Variants in ABHD16A observed in about 807,000 individuals in gnomAD.
ABHD16A encodes abhydrolase domain containing 16A, phospholipase.
ABHD16A carries 47 observed loss-of-function variants against 89.8 expected under a neutral mutation model. That is an observed-to-expected ratio of 0.52 (90% CI 0.41 to 0.67). ABHD16A has a LOEUF of 0.67. Among genes scored for constraint, ABHD16A ranks in the 30% least tolerant of loss-of-function variants. ABHD16A has a pLI of 0.00. For synonymous variants in ABHD16A, 251 were observed against 280.4 expected (o/e 0.90, Z 1.05); for missense variants, 580 against 734.6 (o/e 0.79, Z 2.43).
intron 1 of ABHD16A, chr6:31,702,769 G>A: frequency 2.0e-6 from 3 of 1,492,766 alleles, no homozygotes; most frequent in Non-Finnish European, 8.9e-7. Flanking sequence ...GGGGAGGCAT[G>A]AAGAGGCACT....
In ABHD16A at chr6:31,691,819, G is replaced by T. The variant is rs1176146044; in HGVS notation, c.726C>A (p.Ala242=). The change falls in exon 8 of 20, where the codon GCC becomes GCA. Residue 242 remains alanine (A), a synonymous_variant. Transcript: ENST00000395952. The part of the protein sequence containing the change: ...ALMPVLLQGQ[A]RLVEECNGRR... Reference sequence around the variant, plus strand: ...GAAGCCTCACCTCTTCCACCAGTCGGGCCTGGCCCTGCAGCAGCACAGGCA... The same window carrying T: ...GAAGCCTCACCTCTTCCACCAGTCGTGCCTGGCCCTGCAGCAGCACAGGCA... 1.2e-6 allele frequency: 2 copies of T among 1,610,282 alleles called. No homozygotes were observed. The highest frequency in any genetic ancestry group is 1.7e-6 in the Non-Finnish European group (2 of 1,178,842).
At chr6:31,699,093 C>CA (rs1804653962) in intron 4 of ABHD16A, among the ~76,000 whole-genome samples, 2 of 152,180 alleles carry the variant, frequency 1.3e-5, no homozygotes, top group South Asian at 4.1e-4. Flanking sequence ...CCCAGGTAAT[C>CA]ACTCTCCTAA....
At chr6:31,691,227 G>A (rs1803847544) in intron 9 of ABHD16A, among the ~76,000 whole-genome samples, 1 of 152,078 alleles carries the variant, frequency 6.6e-6, no homozygotes, top group East Asian at 1.9e-4. Flanking sequence ...CTGTGCCCCA[G>A]TTTCATCTCC....
Position 31,687,989 on chromosome 6 carries a change from C to T in ABHD16A, c.1370+52G>A. 1 of 1,612,190 alleles carries T rather than the reference C, an allele frequency of 6.2e-7. No homozygotes were observed. The highest frequency in any genetic ancestry group is 1.3e-5 in the African/African-American group (1 of 75,024). On this transcript the variant is annotated intron_variant, in intron 16 of 19. Transcript: ENST00000395952. The surrounding 1 kb of genome is among the most constrained non-coding windows in gnomAD (Gnocchi z 6.3). The stretch of plus-strand genomic sequence containing the variant: ...CCTCCCTCCTTCCCTGTGCTGGTAT[C>T]AGTATCTGTGTGTGTACACTGCCCC...
rs1447610695 is a variant in ABHD16A at position 31,687,922 on chromosome 6, A to G, written c.1371-22T>C. On this transcript the variant is annotated intron_variant, in intron 16 of 19. Coordinates refer to ENST00000395952, the MANE Select transcript of ABHD16A (RefSeq NM_021160.3). This position sits in a 1 kb window ranked among gnomAD's most constrained non-coding sequence, Gnocchi z 6.3. ...ATACCTACGGAGGAAGTGCCAGGAC[A>G]GGTCAGGGCTGATTTTTTTTCATTC... 3.1e-6 allele frequency: 5 copies of G among 1,612,708 alleles called. No individual in the cohort carries two copies. The highest frequency in any genetic ancestry group is 1.3e-5 in the African/African-American group (1 of 75,006).
rs1804465006 is a variant in ABHD16A, at chr6:31,697,010, G to T, written c.367C>A (p.Gln123Lys). 1 of 1,613,074 alleles carries T rather than the reference G, an allele frequency of 6.2e-7. No homozygotes were observed. Among genetic ancestry groups the T allele is most frequent in the African/African-American group, 1.3e-5 (1 of 75,056 alleles). The change falls in exon 5 of 20, where the codon CAG (glutamine) becomes AAG (lysine). Residue 123 changes from glutamine (Q) to lysine (K), a missense_variant. Gln to Lys is a moderately conservative substitution (Grantham distance 53). This residue lies in a region of ABHD16A where 165 missense variants were observed against 165.8 expected (regional missense o/e 1.00). Transcript: ENST00000395952. ...LRGIGRWTNP[Q>K]YRQFITILEA... ...AAGATGGTGATGAACTGCCGGTACT[G>T]GGGGTTGGTCCAGCGGCCAATGCCT...
At position 31,687,518 on chromosome 6, in the gene ABHD16A, G is replaced by A. The variant is rs146200640; in HGVS notation, c.1573C>T (p.Arg525Trp). Residue 525 changes from arginine to tryptophan, a missense_variant, in exon 19 of 20, where the codon CGG becomes TGG. Transcript: ENST00000395952. This position sits in a 1 kb window ranked among gnomAD's most constrained non-coding sequence, Gnocchi z 6.3. ...VGEDMSADGR[R>W]QLALFLARKH... ...CTCACCAGAAACAAAGCCAGCTGCC[G>A]CCGTCCATCTGCACTCATGTCCTCC... The A allele has an allele frequency of 5.6e-5, 91 of 1,612,866 alleles. No homozygotes were observed. The highest frequency in any genetic ancestry group is 7.5e-5 in the Non-Finnish European group (88 of 1,179,986).
chr6:31,703,145 CT>C lies in ABHD16A; in HGVS notation c.132+4del. Reference sequence around the variant, plus strand: ...CGTTCTTCGGTGGGGAGGAACTCGACTCACCCAGGAGCTGGAATGGGGGGCA... The same window carrying C: ...CGTTCTTCGGTGGGGAGGAACTCGACCACCCAGGAGCTGGAATGGGGGGCA... On this transcript the variant is annotated splice_donor_region_variant and intron_variant, in intron 1 of 19. Transcript: ENST00000395952. 7.0e-7 allele frequency: 1 copy of C among 1,420,754 alleles called. No homozygotes were observed. The highest frequency in any genetic ancestry group is 9.3e-7 in the Non-Finnish European group (1 of 1,079,616). The allele number at this position is 1,420,754 out of a possible 1,614,324, so 88.0% of individuals were successfully genotyped here.
chr6:31,688,212 C>A lies in ABHD16A; in HGVS notation c.1307+37G>T. 1 of 1,612,134 alleles carries A rather than the reference C, an allele frequency of 6.2e-7. No homozygotes were observed. Among genetic ancestry groups the A allele is most frequent in the Non-Finnish European group, 8.5e-7 (1 of 1,178,412 alleles). ...AGAAGGGACAAGTTCCTGGCCATCTCTGGGGTTCCTGAGGGCCGAGATTCC... is the reference window on the plus strand; with the variant it reads ...AGAAGGGACAAGTTCCTGGCCATCTATGGGGTTCCTGAGGGCCGAGATTCC... On this transcript the variant is annotated intron_variant, in intron 15 of 19. Transcript: ENST00000395952. This position sits in a 1 kb window ranked among gnomAD's most constrained non-coding sequence, Gnocchi z 4.9.
chr6:31,688,099 G>A lies in ABHD16A; in HGVS notation c.1312C>T (p.Pro438Ser), dbSNP rs755577727. Reference sequence around the variant, plus strand: ...CCTCGGTTGGACATGATGTCCTCAGGAACCCTGGGGGTGAGAAGAATGTAC... The same window carrying A: ...CCTCGGTTGGACATGATGTCCTCAGAAACCCTGGGGGTGAGAAGAATGTAC... ...TKDEIITTTVPEDIMSNRGND... is the reference protein window; with the variant it reads ...TKDEIITTTVSEDIMSNRGND... The change falls in exon 16 of 20, where the codon CCT becomes TCT. Residue 438 changes from proline to serine, a missense_variant. Coordinates refer to ENST00000395952, the MANE Select transcript of ABHD16A (RefSeq NM_021160.3). The surrounding 1 kb of genome is among the most constrained non-coding windows in gnomAD (Gnocchi z 4.9). The A allele has an allele frequency of 2.5e-6, 4 of 1,612,352 alleles. No homozygotes were observed. Among genetic ancestry groups the A allele is most frequent in the Non-Finnish European group, 3.4e-6 (4 of 1,178,910 alleles).
chr6:31,693,369 G>A lies in ABHD16A; in HGVS notation c.493C>T (p.Pro165Ser), dbSNP rs1446899091. Reference sequence around the variant, plus strand: ...GAACTGGGGCCTCACCGGCTGCTGGGTTCTTCCCAGTGGAAGTCGACTGGC... The same window carrying A: ...GAACTGGGGCCTCACCGGCTGCTGGATTCTTCCCAGTGGAAGTCGACTGGC... ...SWPVDFHWEE[P>S]SSRKESRGGP... Residue 165 changes from proline to serine, a missense_variant, in exon 6 of 20, where the codon CCC becomes TCC. Pro to Ser is a moderately conservative substitution (Grantham distance 74, BLOSUM62 -1). Around this residue, in one of 2 missense-constraint regions of ABHD16A, gnomAD observed 415 missense variants for 568.8 expected, o/e 0.73. Transcript: ENST00000395952. This position sits in a 1 kb window ranked among gnomAD's most constrained non-coding sequence, Gnocchi z 5.0. 1.2e-6 allele frequency: 2 copies of A among 1,612,942 alleles called. No individual in the cohort carries two copies.
rs1191319466 is a variant in ABHD16A at position 31,698,408 on chromosome 6, A to AT, written c.344-1376_344-1375insA. ...AAGCAAATATCACAAAACTATATATAAAAAAAAAATCACAAAACTATACAT... is the reference window on the plus strand; with the variant it reads ...AAGCAAATATCACAAAACTATATATATAAAAAAAAATCACAAAACTATACAT... On this transcript the variant is annotated intron_variant, in intron 4 of 19. Coordinates refer to ENST00000395952, the MANE Select transcript of ABHD16A (RefSeq NM_021160.3). This position sits in a 1 kb window ranked among gnomAD's most constrained non-coding sequence, Gnocchi z 4.1. Among the ~76,000 whole-genome samples the AT allele has an allele frequency of 7.4e-6, 1 of 134,990 alleles. No individual in the cohort carries two copies. The highest frequency in any genetic ancestry group is 3.2e-5 in the African/African-American group (1 of 31,516). The allele number at this position is 134,990 out of a possible 152,430, so 88.6% of individuals were successfully genotyped here.
chr6:31,702,548 T>G, intron 1 of ABHD16A: 1 of 1,364,178 alleles, frequency 7.3e-7, no homozygotes, highest in Non-Finnish European at 9.6e-7. Flanking sequence ...GCGGGCAGTT[T>G]GTAGGAGACA....
chr6:31,688,585 G>T lies in ABHD16A; in HGVS notation c.1250+138C>A, dbSNP rs1803532736. 7 of 1,049,468 alleles carry T rather than the reference G, an allele frequency of 6.7e-6. No individual in the cohort carries two copies. The highest frequency in any genetic ancestry group is 9.8e-6 in the Non-Finnish European group (7 of 716,280). The allele number at this position is 1,049,468 out of a possible 1,614,324, so 65.0% of individuals were successfully genotyped here. ...ACCTGGGAGGGGTTAGGCCAGTTGA[G>T]GTGGTGGCAGGGTCACTCAGGATGT... On this transcript the variant is annotated intron_variant, in intron 14 of 19. Transcript: ENST00000395952. The surrounding 1 kb of genome is among the most constrained non-coding windows in gnomAD (Gnocchi z 4.9).
At position 31,687,407 on chromosome 6, in the gene ABHD16A, G is replaced by T; in HGVS notation, c.1593+91C>A. 1 of 1,605,762 alleles carries T rather than the reference G, an allele frequency of 6.2e-7. No homozygotes were observed. Among genetic ancestry groups the T allele is most frequent in the South Asian group, 1.1e-5 (1 of 90,932 alleles). On this transcript the variant is annotated intron_variant, in intron 19 of 19. Transcript: ENST00000395952. The surrounding 1 kb of genome is among the most constrained non-coding windows in gnomAD (Gnocchi z 6.3). Reference sequence around the variant, plus strand: ...ATCCACCACCCACTCTACAAAAGCTGCCACTTCCAATGCTTATAGGGTATC... The same window carrying T: ...ATCCACCACCCACTCTACAAAAGCTTCCACTTCCAATGCTTATAGGGTATC...
At chr6:31,691,124 C>CTCAT (rs1562099416) in intron 9 of ABHD16A, among the ~76,000 whole-genome samples, 1 of 152,088 alleles carries the variant, frequency 6.6e-6, no homozygotes, top group African/African-American at 2.4e-5. Flanking sequence ...GCTCTTTCCA[C>CTCAT]GGCTGCTTCA....
intron 4 of ABHD16A, 145 bp downstream of exon 4, chr6:31,700,797 C>T: frequency 7.6e-6 from 5 of 661,600 alleles, no homozygotes; most frequent in Non-Finnish European, 1.3e-5. Flanking sequence ...TAACCCAAGT[C>T]TTTTAAGGAA....
In ABHD16A at chr6:31,703,220, T is replaced by C; in HGVS notation, c.62A>G (p.Asp21Gly). Residue 21 changes from aspartate to glycine, a missense_variant, in exon 1 of 20, where the codon GAC (aspartate) becomes GGC (glycine). Transcript: ENST00000395952. The part of the protein sequence containing the change: ...PRLYKIYRER[D>G]SERAPASVPE... ...GACGCTGGCCGGGGCCCTTTCAGAG[T>C]CCCTCTCCCGGTAGATTTTGTAGAG... 7.0e-7 allele frequency: 1 copy of C among 1,438,626 alleles called. No individual in the cohort carries two copies. The allele number at this position is 1,438,626 out of a possible 1,614,324, so 89.1% of individuals were successfully genotyped here. A position where few individuals can be genotyped will look rare whatever the true frequency, so the allele number is the denominator to read the frequency against.
At chr6:31,703,120 C>T (rs140251264) in intron 1 of ABHD16A, 30 bp downstream of exon 1, 9 of 1,412,720 alleles carry the variant, frequency 6.4e-6, no homozygotes, top group Non-Finnish European at 8.4e-6. Context: ...GACTGTACCA[C>T]GTTCTTCGGT....
Sources: allele counts gnomAD v4.1 joint callset (sites outside exome capture counted in the v4.1 genomes callset), GRCh38; gene constraint gnomAD v4.1.1; regional missense constraint gnomAD v4.1.1; non-coding constraint Gnocchi (gnomAD v3.1); transcripts MANE v1.5; gene names NCBI Gene and HGNC (gene_info 2026-07-23, HGNC 2026-07-21).